NCKAP5: variants seen among roughly 807,000 people sequenced by gnomAD.
The protein encoded by NCKAP5 is NCK associated protein 5, also known as nck-associated protein 5.
A neutral mutation model predicts 167.0 loss-of-function variants in NCKAP5; 92 were observed. The ratio of observed to expected loss-of-function variants is 0.55; its 90% CI spans 0.47 to 0.66. NCKAP5 has a LOEUF of 0.66. Ranked by LOEUF, NCKAP5 falls within the 30% of genes least tolerant of loss-of-function variation. The pLI is 0.00. For missense variants in NCKAP5, 2,378 were observed against 2,315.0 expected, an observed-to-expected ratio of 1.03 and a Z score of -0.56; for synonymous variants, 891 against 877.4, an observed-to-expected ratio of 1.02 and a Z score of -0.27.
At chr2:133,009,460 T>C (rs2078079351) in intron 6 of NCKAP5, among the ~76,000 whole-genome samples, 1 of 152,140 alleles carries the variant, frequency 6.6e-6, no homozygotes. Flanking sequence ...TATTAGATGC[T>C]GAAAAATAAA....
chr2:132,874,116 T>C (rs1048798881), intron 9 of NCKAP5, among the ~76,000 whole-genome samples: 4 of 147,894 alleles, frequency 2.7e-5, no homozygotes, highest in Admixed American at 6.7e-5. Context: ...TTTTTTTTTT[T>C]TTTTTTTTTT....
At chr2:132,860,897 T>G (rs773709684) in intron 10 of NCKAP5, among the ~76,000 whole-genome samples, 21 of 152,190 alleles carry the variant, frequency 1.4e-4, no homozygotes, top group Non-Finnish European at 2.9e-4. Flanking sequence ...TGAAGTCAAT[T>G]TAAGTTTCCG....
chr2:133,006,345 A>G (rs548884048), intron 6 of NCKAP5, among the ~76,000 whole-genome samples: 1 of 152,320 alleles, frequency 6.6e-6, no homozygotes, highest in Admixed American at 6.5e-5. Context: ...AAAAGTTTGA[A>G]TCTAATGTTA....
intron 2 of NCKAP5, among the ~76,000 whole-genome samples, chr2:133,555,217 T>C (rs1687655428): frequency 6.6e-6 from 1 of 152,214 alleles, no homozygotes; most frequent in South Asian, 2.1e-4. Context: ...TTCCACCGAC[T>C]AACATATTAT....
chr2:133,307,281 T>A (rs1447830162), intron 3 of NCKAP5, among the ~76,000 whole-genome samples: 1 of 152,150 alleles, frequency 6.6e-6, no homozygotes, highest in Non-Finnish European at 1.5e-5. Context: ...AATGCAGATG[T>A]GATTGATAAA....
chr2:133,295,781 C>T (rs1679917557), intron 4 of NCKAP5, among the ~76,000 whole-genome samples: 2 of 152,156 alleles, frequency 1.3e-5, no homozygotes, highest in African/African-American at 4.8e-5. Context: ...GGTTGAGAAA[C>T]CCTAGTGCAG....
intron 5 of NCKAP5, among the ~76,000 whole-genome samples, chr2:133,181,592 C>A (rs1384562387): frequency 1.5e-5 from 2 of 129,924 alleles, no homozygotes; most frequent in East Asian, 4.2e-4. Context: ...CATGGTAAAT[C>A]CCCATCTCTA....
At chr2:132,685,789 A>C (rs1685862482) in intron 19 of NCKAP5, among the ~76,000 whole-genome samples, 1 of 152,152 alleles carries the variant, frequency 6.6e-6, no homozygotes, top group African/African-American at 2.4e-5. Context: ...CTTTCCCATG[A>C]TTTAAGTGCT....
At chr2:132,745,084 G>A (rs1368761785) in intron 16 of NCKAP5, among the ~76,000 whole-genome samples, 2 of 151,672 alleles carry the variant, frequency 1.3e-5, no homozygotes, top group Non-Finnish European at 3.0e-5. Flanking sequence ...AACAGGAGAA[G>A]AGCAAACACT....
At chr2:132,684,314 C>T (rs1165519935) in intron 19 of NCKAP5, among the ~76,000 whole-genome samples, 2 of 152,186 alleles carry the variant, frequency 1.3e-5, no homozygotes, top group African/African-American at 4.8e-5. Flanking sequence ...TCTTTCATTT[C>T]AGATCTAATC....
the NCKAP5 span, among the ~76,000 whole-genome samples, chr2:133,586,590 G>T: frequency 6.6e-6 from 1 of 152,182 alleles, no homozygotes; most frequent in South Asian, 2.1e-4. Flanking sequence ...TCTTCACATA[G>T]ATGTGAAGCA....
At chr2:133,095,877 A>G (rs562886741) in intron 6 of NCKAP5, among the ~76,000 whole-genome samples, 11 of 152,234 alleles carry the variant, frequency 7.2e-5, no homozygotes, top group African/African-American at 2.2e-4. Flanking sequence ...CTGGTCTAAT[A>G]TCAGCAATCT....
intron 8 of NCKAP5, among the ~76,000 whole-genome samples, chr2:132,886,042 C>T (rs1692191028): frequency 6.6e-6 from 1 of 152,176 alleles, no homozygotes; most frequent in Non-Finnish European, 1.5e-5. Flanking sequence ...CTGGGCTGTA[C>T]CTTTGGTTTT....
chr2:132,880,390 G>T (rs1165936996), intron 8 of NCKAP5, among the ~76,000 whole-genome samples: 1 of 152,194 alleles, frequency 6.6e-6, no homozygotes, highest in East Asian at 1.9e-4. Flanking sequence ...AGCACTTTGG[G>T]AGGCAGAGGC....
chr2:133,163,782 C>T (rs2083893499), intron 5 of NCKAP5, among the ~76,000 whole-genome samples: 2 of 151,888 alleles, frequency 1.3e-5, no homozygotes, highest in African/African-American at 4.9e-5. Context: ...AATATCCTCA[C>T]ACTTGAACTT....
intron 7 of NCKAP5, among the ~76,000 whole-genome samples, chr2:132,971,818 C>T (rs763682084): frequency 2.6e-5 from 4 of 152,130 alleles, no homozygotes; most frequent in South Asian, 2.1e-4. Context: ...AGAAGAAGTA[C>T]GGCTTGTTTA....
intron 16 of NCKAP5, among the ~76,000 whole-genome samples, chr2:132,752,492 C>T (rs951285698): frequency 6.6e-6 from 1 of 152,164 alleles, no homozygotes; most frequent in African/African-American, 2.4e-5. Context: ...ATGATTCAGG[C>T]TGGCTGGTGT....
At position 132,955,367 on chromosome 2, in the gene NCKAP5, C is replaced by T. The variant is rs191961963; in HGVS notation, c.579+8353G>A. Among the ~76,000 whole-genome samples the T allele has an allele frequency of 6.6e-5, 10 of 152,206 alleles. No homozygotes were observed. The East Asian group carries it at 1.9e-3, about 29-fold the overall frequency. ...TGGCACTGGGCACATGTGGGAAGGG[C>T]CTCTGGATCTAAGTCTGAAGACCCA... On this transcript the variant is annotated intron_variant, in intron 8 of 19. Coordinates refer to ENST00000409261, the MANE Select transcript of NCKAP5 (RefSeq NM_207363.3).
intron 6 of NCKAP5, among the ~76,000 whole-genome samples, chr2:133,036,217 G>C (rs1265712869): frequency 1.3e-5 from 2 of 152,006 alleles, no homozygotes; most frequent in East Asian, 3.9e-4. Flanking sequence ...GGACCCGATG[G>C]CTTCACTGCT....
Sources: allele counts gnomAD v4.1 joint callset (sites outside exome capture counted in the v4.1 genomes callset), GRCh38; gene constraint gnomAD v4.1.1; transcripts MANE v1.5; gene names NCBI Gene and HGNC (gene_info 2026-07-23, HGNC 2026-07-21).